Variants in ATP6V0D2 observed in about 807,000 individuals in gnomAD.
ATP6V0D2 encodes the protein V-type proton ATPase subunit d 2.
Under a neutral mutation model 40.0 loss-of-function variants are expected in ATP6V0D2, and 40 were observed. That is an observed-to-expected ratio of 1.00 (90% confidence interval 0.78 to 1.30). The LOEUF is 1.30. Among genes scored for constraint, ATP6V0D2 ranks in the 50% most tolerant of loss-of-function variants. The pLI is 0.00. For synonymous variants in ATP6V0D2, 179 were observed against 156.3 expected (o/e 1.15, Z -1.08); for missense variants, 470 against 423.1 (o/e 1.11, Z -0.97).
At chr8:86,099,139 G>GAAA (rs11382900) in intron 1 of ATP6V0D2, 31 bp downstream of exon 1, 262 of 1,306,548 alleles carry the variant, frequency 2.0e-4, no homozygotes, top group South Asian at 5.2e-4. Flanking sequence ...CCTTTAAAAA[G>GAAA]AAAAAAAAAA....
chr8:86,131,432 C>T (rs1268270460), intron 2 of ATP6V0D2, among the ~76,000 whole-genome samples: 1 of 152,042 alleles, frequency 6.6e-6, no homozygotes, highest in Non-Finnish European at 1.5e-5. Flanking sequence ...ATCTCTTGAC[C>T]TCAAGATCTG....
rs1330232503 is a variant in ATP6V0D2, at chr8:86,153,547, G to C, written c.*570G>C. ...AGTTTTGTATTTTTTGTAGAGACAG[G>C]GTTTCAACATATTATCCAGGCTGGT... is the stretch of plus-strand genomic sequence containing the variant. On this transcript the variant is annotated 3_prime_UTR_variant, in exon 8 of 8. Coordinates refer to ENST00000285393, the MANE Select transcript of ATP6V0D2 (RefSeq NM_152565.1). The C allele has an allele frequency of 6.6e-6, 1 of 152,214 alleles. No homozygotes were observed. Among genetic ancestry groups the C allele is most frequent in the Non-Finnish European group, 1.5e-5 (1 of 68,184 alleles). The allele number at this position is 152,214 out of a possible 1,614,324, so 9.4% of individuals were successfully genotyped here. A position where few individuals can be genotyped will look rare whatever the true frequency, so the allele number is the denominator to read the frequency against.
intron 2 of ATP6V0D2, 79 bp from the exon 3 acceptor site, chr8:86,139,378 A>T: frequency 8.2e-7 from 1 of 1,226,354 alleles, no homozygotes; most frequent in Non-Finnish European, 1.1e-6. Flanking sequence ...GTACCTAAAG[A>T]GTGTGTGTTT....
At chr8:86,142,328 T>C (rs567480017) in intron 4 of ATP6V0D2, among the ~76,000 whole-genome samples, 1 of 152,306 alleles carries the variant, frequency 6.6e-6, no homozygotes, top group South Asian at 2.1e-4. Flanking sequence ...GGCAAAAATA[T>C]GATGTTTATG....
intron 2 of ATP6V0D2, among the ~76,000 whole-genome samples, chr8:86,117,708 G>A (rs1818608489): frequency 6.6e-6 from 1 of 152,178 alleles, no homozygotes; most frequent in Non-Finnish European, 1.5e-5. Context: ...TCAGTTCAGG[G>A]ATTCTGGAAA....
In ATP6V0D2 at chr8:86,151,548, A is replaced by G. The variant is rs1290678129; in HGVS notation, c.891+8A>G. ...GTGTTTTACGAGCGTGAGGTATGAT[A>G]TAAGTGGAAATACTATTAGCTTATT... On this transcript the variant is annotated splice_region_variant and intron_variant, in intron 7 of 7. Transcript: ENST00000285393. 2 of 1,588,040 alleles carry G rather than the reference A, an allele frequency of 1.3e-6. No individual in the cohort carries two copies. The highest frequency in any genetic ancestry group is 1.8e-5 in the Admixed American group (1 of 56,518).
At chr8:86,150,780 G>T (rs1290380330) in intron 6 of ATP6V0D2, among the ~76,000 whole-genome samples, 6 of 152,138 alleles carry the variant, frequency 3.9e-5, no homozygotes, top group Admixed American at 3.9e-4. Flanking sequence ...ATAGCTGCTT[G>T]TGTCCTTCCC....
At chr8:86,124,489 C>G (rs1818713938) in intron 2 of ATP6V0D2, among the ~76,000 whole-genome samples, 2 of 152,138 alleles carry the variant, frequency 1.3e-5, no homozygotes. Flanking sequence ...TTCTGGAATG[C>G]AGTCAATGAA....
At chr8:86,146,301 A>G (rs1400310394) in intron 5 of ATP6V0D2, among the ~76,000 whole-genome samples, 1 of 152,188 alleles carries the variant, frequency 6.6e-6, no homozygotes, top group African/African-American at 2.4e-5. Context: ...CACTGGGATG[A>G]TGTGATCAAA....
At position 86,113,804 on chromosome 8, in the gene ATP6V0D2, A is replaced by G; in HGVS notation, c.226A>G (p.Lys76Glu). The change falls in exon 2 of 8, where the codon AAA becomes GAA. Residue 76 changes from lysine (K) to glutamate (E), a missense_variant. By Grantham distance (56) the Lys-to-Glu change is moderately conservative. Transcript: ENST00000285393. ...TVSKIDTEMR[K>E]RLCGEFEYFR... ...TTCCAAAATTGACACTGAGATGAGG[A>G]AAAGACTATGTGGAGAATTTGAGTA... The G allele has an allele frequency of 6.2e-7, 1 of 1,613,976 alleles. No homozygotes were observed. Among genetic ancestry groups the G allele is most frequent in the Non-Finnish European group, 8.5e-7 (1 of 1,179,902 alleles).
intron 1 of ATP6V0D2, among the ~76,000 whole-genome samples, chr8:86,104,690 C>G (rs1279233023): frequency 6.6e-6 from 1 of 151,988 alleles, no homozygotes; most frequent in East Asian, 1.9e-4. Context: ...CATATATACA[C>G]CTATTACTTA....
At position 86,145,180 on chromosome 8, in the gene ATP6V0D2, G is replaced by GAA. The variant is rs202095259; in HGVS notation, c.639+2227_639+2228insAA. On this transcript the variant is annotated intron_variant, in intron 5 of 7. Transcript: ENST00000285393. ...AGACTCAGAAAGAAAGAGAGAAAGAGAGAAAGAAAGAAAGAAAAGAAAGAA... is the reference window on the plus strand; with the variant it reads ...AGACTCAGAAAGAAAGAGAGAAAGAGAAAGAAAGAAAGAAAGAAAAGAAAGAA... Among the ~76,000 whole-genome samples the GAA allele has an allele frequency of 2.1e-3, 219 of 106,130 alleles. 14 individuals carry two copies. The highest frequency in any genetic ancestry group is 9.0e-3 in the Middle Eastern group (2 of 222). 69.6% of individuals were successfully genotyped at this position (106,130 alleles called of 152,430 possible). A position where few individuals can be genotyped will look rare whatever the true frequency, so the allele number is the denominator to read the frequency against.
chr8:86,118,864 A>G (rs1586090557), intron 2 of ATP6V0D2, among the ~76,000 whole-genome samples: 1 of 152,200 alleles, frequency 6.6e-6, no homozygotes, highest in East Asian at 1.9e-4. Context: ...AATTCTTACC[A>G]TCACCATTCT....
chr8:86,115,660 A>G (rs1586088957), intron 2 of ATP6V0D2, among the ~76,000 whole-genome samples: 1 of 152,122 alleles, frequency 6.6e-6, no homozygotes, highest in African/African-American at 2.4e-5. Context: ...GTGAGCCACC[A>G]TGCCCGGCCT....
intron 1 of ATP6V0D2, among the ~76,000 whole-genome samples, chr8:86,102,712 A>G (rs1316881313): frequency 6.6e-6 from 1 of 152,188 alleles, no homozygotes; most frequent in Non-Finnish European, 1.5e-5. Flanking sequence ...AGTAAGAAAT[A>G]CCCATGTATT....
At position 86,150,136 on chromosome 8, in the gene ATP6V0D2, A is replaced by G. The variant is rs761740683; in HGVS notation, c.664A>G (p.Ile222Val). Residue 222 changes from isoleucine (I) to valine (V), a missense_variant, in exon 6 of 8, where the codon ATC (isoleucine) becomes GTC (valine). By Grantham distance (29) the Ile-to-Val change is conservative (BLOSUM62 3). Coordinates refer to ENST00000285393, the MANE Select transcript of ATP6V0D2 (RefSeq NM_152565.1). ...LEFEADRRAF[I>V]ITLNSFGTEL... ...GTTTGAGGCCGACAGACGTGCTTTT[A>G]TCATCACTCTTAACTCCTTTGGCAC... 8.7e-6 allele frequency: 14 copies of G among 1,612,748 alleles called. No homozygotes were observed. Among genetic ancestry groups the G allele is most frequent in the Middle Eastern group, 3.3e-4 (2 of 6,038 alleles).
At chr8:86,132,478 C>A (rs1490788515) in intron 2 of ATP6V0D2, among the ~76,000 whole-genome samples, 2 of 152,158 alleles carry the variant, frequency 1.3e-5, no homozygotes, top group Admixed American at 1.3e-4. Context: ...CTCTCCCCCT[C>A]CCTACCACCC....
rs139633615 is a variant in ATP6V0D2, at chr8:86,142,031, T to G, written c.561+502T>G. Among the ~76,000 whole-genome samples the G allele has an allele frequency of 4.5e-3, 692 of 152,336 alleles. 5 individuals carry two copies. The highest frequency in any genetic ancestry group is 0.016 in the African/African-American group (660 of 41,580). ...TAGGTACCACTTTGCATAATGTGAC[T>G]GTCTGGACTGTGCTGCCACCATTTG... On this transcript the variant is annotated intron_variant, in intron 4 of 7. Coordinates refer to ENST00000285393, the MANE Select transcript of ATP6V0D2 (RefSeq NM_152565.1).
intron 2 of ATP6V0D2, among the ~76,000 whole-genome samples, chr8:86,131,497 C>T (rs1177672654): frequency 6.6e-6 from 1 of 151,362 alleles, no homozygotes. Context: ...CTACATCCAG[C>T]CATTTTTATT....
Sources: gnomAD v4.1 joint callset for allele counts (sites outside exome capture counted in the v4.1 genomes callset) on GRCh38, gnomAD v4.1.1 for gene constraint, MANE v1.5 for transcripts, NCBI Gene and HGNC (gene_info 2026-07-23, HGNC 2026-07-21) for gene names.